Variants in PCDH15 observed in about 807,000 individuals in gnomAD.
PCDH15 encodes the protein protocadherin related 15, also known as protocadherin-15.
In PCDH15, 129 loss-of-function variants were observed where a neutral mutation model predicts 178.5. The observed-to-expected ratio is 0.72, with a 90% CI of 0.63 to 0.84. The LOEUF (loss-of-function observed/expected upper bound fraction) is 0.84. PCDH15 is among the 40% of genes least tolerant of loss of function. The pLI is 0.00. For missense variants in PCDH15, 2,230 were observed against 2,099.9 expected (o/e 1.06, Z -1.21); for synonymous variants, 800 against 732.0 (o/e 1.09, Z -1.50).
At chr10:53,909,611 T>C (rs1326181669) in intron 25 of PCDH15, among the ~76,000 whole-genome samples, 2 of 152,212 alleles carry the variant, frequency 1.3e-5, no homozygotes, top group Non-Finnish European at 2.9e-5. Flanking sequence ...GGGTGATTTC[T>C]GCATTTCCAA....
chr10:54,521,981 G>A (rs888665246), intron 3 of PCDH15, among the ~76,000 whole-genome samples: 3 of 151,016 alleles, frequency 2.0e-5, no homozygotes, highest in Non-Finnish European at 3.0e-5. Context: ...CTAGCTACTC[G>A]GGAGGCTGAG....
chr10:55,556,710 G>A lies in PCDH15; in HGVS notation c.-156+70915C>T, dbSNP rs556997752. Among the ~76,000 whole-genome samples, 12 of 152,180 alleles carry A rather than the reference G, an allele frequency of 7.9e-5. No individual in the cohort carries two copies. The South Asian group carries it at 8.3e-4, about 11-fold the overall frequency. ...AAAAATTATTTGGATGTGGTGGCGC[G>A]TGTGCGTGCAATCCCAGCTACTTGG... On this transcript the variant is annotated intron_variant, in intron 2 of 5. Transcript: ENST00000613346.
At chr10:55,244,936 C>T (rs1466820425) in intron 1 of PCDH15, among the ~76,000 whole-genome samples, 1 of 151,730 alleles carries the variant, frequency 6.6e-6, no homozygotes, top group Non-Finnish European at 1.5e-5. Flanking sequence ...TTTTTTGCAC[C>T]ATTATTGTTC....
intron 2 of PCDH15, among the ~76,000 whole-genome samples, chr10:55,060,407 C>A (rs993284907): frequency 7.2e-5 from 11 of 151,956 alleles, no homozygotes; most frequent in Non-Finnish European, 1.6e-4. Context: ...ATCTGCATAA[C>A]CAAGTGCAAT....
intron 2 of PCDH15, among the ~76,000 whole-genome samples, chr10:55,373,707 C>A (rs1179418238): frequency 2.6e-5 from 4 of 152,008 alleles, no homozygotes; most frequent in Admixed American, 6.6e-5. Context: ...AGGCTTCAGA[C>A]CCCCACCCAA....
intron 3 of PCDH15, among the ~76,000 whole-genome samples, chr10:54,427,078 C>G (rs1044802751): frequency 1.3e-5 from 2 of 151,258 alleles, no homozygotes; most frequent in East Asian, 3.9e-4. Context: ...TATCAAATTA[C>G]CATTTTTGTG....
chr10:54,310,868 GCCA>G (rs1459223735), intron 8 of PCDH15, among the ~76,000 whole-genome samples: 1 of 151,780 alleles, frequency 6.6e-6, no homozygotes, highest in Non-Finnish European at 1.5e-5. Context: ...AAAATCCAAG[GCCA>G]CCAAGGGAAT....
chr10:54,475,875 C>A (rs552671225), intron 3 of PCDH15, among the ~76,000 whole-genome samples: 13 of 150,804 alleles, frequency 8.6e-5, no homozygotes, highest in African/African-American at 2.9e-4. Flanking sequence ...CAAGGCCAGG[C>A]CTTAACCCAT....
chr10:54,310,496 T>C (rs2060838449), intron 8 of PCDH15, among the ~76,000 whole-genome samples: 1 of 151,970 alleles, frequency 6.6e-6, no homozygotes, highest in African/African-American at 2.4e-5. Flanking sequence ...GAAGTCTAGG[T>C]TCAAATCAAT....
At chr10:55,318,703 A>G (rs1843797268) in intron 1 of PCDH15, among the ~76,000 whole-genome samples, 2 of 152,308 alleles carry the variant, frequency 1.3e-5, no homozygotes, top group Non-Finnish European at 2.9e-5. Context: ...AAAATATTTG[A>G]AAGTATAATA....
chr10:55,333,318 G>T (rs913692528), intron 2 of PCDH15, among the ~76,000 whole-genome samples: 1 of 152,074 alleles, frequency 6.6e-6, no homozygotes, highest in Admixed American at 6.6e-5. Context: ...GGGAGAGAGG[G>T]TGAGACTGGC....
chr10:54,376,213 T>C (rs1448153295), intron 4 of PCDH15, among the ~76,000 whole-genome samples: 1 of 151,882 alleles, frequency 6.6e-6, no homozygotes, highest in Non-Finnish European at 1.5e-5. Flanking sequence ...TTATTTTGAT[T>C]CATTATATTC....
chr10:55,082,324 T>C (rs1591888273), intron 2 of PCDH15, among the ~76,000 whole-genome samples: 1 of 149,996 alleles, frequency 6.7e-6, no homozygotes, highest in East Asian at 2.0e-4. Context: ...GATCAGTGAG[T>C]CCATGAAAAA....
chr10:55,517,509 T>C (rs914089267), intron 2 of PCDH15, among the ~76,000 whole-genome samples: 1 of 152,114 alleles, frequency 6.6e-6, no homozygotes, highest in Non-Finnish European at 1.5e-5. Context: ...AAATTATACA[T>C]TGGCATAAAG....
intron 1 of PCDH15, among the ~76,000 whole-genome samples, chr10:54,728,309 A>G (rs746334213): frequency 2.6e-5 from 4 of 151,542 alleles, no homozygotes; most frequent in Non-Finnish European, 5.9e-5. Context: ...TCAGCGATCC[A>G]TCGTATAAAC....
chr10:53,820,944 T>C (rs2076238746), intron 32 of PCDH15, among the ~76,000 whole-genome samples: 1 of 152,022 alleles, frequency 6.6e-6, no homozygotes, highest in African/African-American at 2.4e-5. Flanking sequence ...TATTTAAGCT[T>C]TTTATATTTC....
chr10:54,010,114 C>G (rs747776817), intron 20 of PCDH15, among the ~76,000 whole-genome samples: 2 of 152,192 alleles, frequency 1.3e-5, no homozygotes, highest in Non-Finnish European at 2.9e-5. Flanking sequence ...TTCTCTGGGA[C>G]GGAGCTCCCA....
intron 2 of PCDH15, among the ~76,000 whole-genome samples, chr10:54,536,936 G>A (rs1053781634): frequency 1.3e-5 from 2 of 148,788 alleles, no homozygotes; most frequent in East Asian, 4.0e-4. Flanking sequence ...CTTTGTTATT[G>A]TGAATAGTAC....
intron 2 of PCDH15, among the ~76,000 whole-genome samples, chr10:55,622,415 A>G (rs931621444): frequency 6.6e-6 from 1 of 151,808 alleles, no homozygotes; most frequent in Non-Finnish European, 1.5e-5. Flanking sequence ...GACCTAACTG[A>G]GGCATTCACA....
Sources: gnomAD v4.1 joint callset for allele counts (sites outside exome capture counted in the v4.1 genomes callset) on GRCh38, gnomAD v4.1.1 for gene constraint, MANE v1.5 for transcripts, NCBI Gene and HGNC (gene_info 2026-07-23, HGNC 2026-07-21) for gene names.